Variants in CCSER1 observed in about 807,000 individuals in gnomAD.
CCSER1 encodes serine-rich coiled-coil domain-containing protein 1.
Under a neutral mutation model 82.0 loss-of-function variants are expected in CCSER1, and 41 were observed. The observed-to-expected ratio is 0.50, with a 90% CI of 0.39 to 0.65. The LOEUF (loss-of-function observed/expected upper bound fraction) is 0.65, where lower values mean the gene tolerates loss of function less well. Among genes scored for constraint, CCSER1 ranks in the 30% least tolerant of loss-of-function variants. CCSER1 has a pLI of 0.00. For synonymous variants in CCSER1, 414 were observed against 383.9 expected (o/e 1.08, Z -0.92); for missense variants, 1,119 against 1,064.2 (o/e 1.05, Z -0.72).
chr4:91,296,483 A>ATATATATATATATATATATTATTTATT (rs1175690764), intron 10 of CCSER1, among the ~76,000 whole-genome samples: 1 of 124,064 alleles, frequency 8.1e-6, no homozygotes, highest in Non-Finnish European at 1.7e-5. Flanking sequence ...ATATATATAT[A>ATATATATATATATATATATTATTTATT]TATTTTAATT....
chr4:91,082,142 T>C (rs1416695765), intron 9 of CCSER1, among the ~76,000 whole-genome samples: 1 of 152,210 alleles, frequency 6.6e-6, no homozygotes, highest in Non-Finnish European at 1.5e-5. Flanking sequence ...GTTGGAGGCA[T>C]CATGCTACCT....
At chr4:90,392,908 A>G (rs1020087145) in intron 3 of CCSER1, among the ~76,000 whole-genome samples, 1 of 152,208 alleles carries the variant, frequency 6.6e-6, no homozygotes, top group African/African-American at 2.4e-5. Flanking sequence ...TCCTCAGAGC[A>G]GTAATTATAT....
chr4:91,108,151 A>C (rs1274165595), intron 10 of CCSER1: 1 of 152,204 alleles, frequency 6.6e-6, no homozygotes, highest in Non-Finnish European at 1.5e-5. Flanking sequence ...ACAGTTCTCT[A>C]TATATTACTG....
chr4:91,120,414 T>A (rs1726985480), intron 10 of CCSER1, among the ~76,000 whole-genome samples: 1 of 151,974 alleles, frequency 6.6e-6, no homozygotes, highest in African/African-American at 2.4e-5. Flanking sequence ...ATATAAAGGA[T>A]GATTTTCCAC....
chr4:90,845,338 G>A (rs1446189693), intron 8 of CCSER1, among the ~76,000 whole-genome samples: 3 of 146,374 alleles, frequency 2.0e-5, no homozygotes, highest in Non-Finnish European at 1.5e-5. Context: ...CTCCAGCCTG[G>A]TGACAGAGTG....
At chr4:90,155,690 A>T (rs1727983629) in intron 1 of CCSER1, among the ~76,000 whole-genome samples, 1 of 152,088 alleles carries the variant, frequency 6.6e-6, no homozygotes, top group African/African-American at 2.4e-5. Context: ...GTATTCTCTG[A>T]TGGTAGTTTG....
chr4:90,642,508 A>G (rs1263177699), intron 6 of CCSER1: 5 of 152,308 alleles, frequency 3.3e-5, no homozygotes, highest in Non-Finnish European at 5.9e-5. Flanking sequence ...TTACCAGTAG[A>G]TAGACATTTA....
At chr4:90,879,585 G>A (rs368761498) in intron 8 of CCSER1, among the ~76,000 whole-genome samples, 3 of 108,050 alleles carry the variant, frequency 2.8e-5, no homozygotes, top group African/African-American at 3.6e-5. Flanking sequence ...AAGAAGAAGA[G>A]GAGGAGGAGG....
chr4:90,576,110 T>C (rs1247253435), intron 5 of CCSER1, among the ~76,000 whole-genome samples: 1 of 152,208 alleles, frequency 6.6e-6, no homozygotes, highest in Admixed American at 6.5e-5. Context: ...ACTAGATTGA[T>C]AGTTTGTTTT....
At chr4:91,268,684 G>C (rs1192181947) in intron 10 of CCSER1, among the ~76,000 whole-genome samples, 1 of 152,154 alleles carries the variant, frequency 6.6e-6, no homozygotes, top group Non-Finnish European at 1.5e-5. Context: ...CTGTTTTATA[G>C]GATTTGGGTG....
At chr4:90,274,809 T>G (rs1018807523) in intron 1 of CCSER1, among the ~76,000 whole-genome samples, 6 of 152,150 alleles carry the variant, frequency 3.9e-5, no homozygotes, top group African/African-American at 1.2e-4. Context: ...TTAGGTGAAT[T>G]CAAATTTTAA....
chr4:90,911,215 A>C, intron 8 of CCSER1: 2 of 432,106 alleles, frequency 4.6e-6, no homozygotes, highest in Middle Eastern at 4.1e-4. Context: ...TTTCTACAAC[A>C]AAAAAATTAT....
intron 8 of CCSER1, among the ~76,000 whole-genome samples, chr4:90,922,334 A>C (rs949484820): frequency 1.3e-5 from 2 of 151,960 alleles, no homozygotes; most frequent in Non-Finnish European, 1.5e-5. Flanking sequence ...CAGGAAAGGA[A>C]GGGAGGTGAG....
intron 10 of CCSER1, among the ~76,000 whole-genome samples, chr4:91,512,232 C>A (rs1173707483): frequency 6.6e-6 from 1 of 152,136 alleles, no homozygotes; most frequent in Non-Finnish European, 1.5e-5. Context: ...GAGACACAGA[C>A]CCACCCTCAA....
At chr4:91,077,415 C>T (rs1722118199) in intron 9 of CCSER1, among the ~76,000 whole-genome samples, 1 of 152,100 alleles carries the variant, frequency 6.6e-6, no homozygotes, top group South Asian at 2.1e-4. Flanking sequence ...TAAAAAATTA[C>T]TGGACATGAG....
intron 10 of CCSER1, among the ~76,000 whole-genome samples, chr4:91,433,398 C>T (rs1351456481): frequency 6.6e-6 from 1 of 152,120 alleles, no homozygotes; most frequent in East Asian, 1.9e-4. Flanking sequence ...CAGTAGTGTA[C>T]AGTAATTTCC....
intron 7 of CCSER1, among the ~76,000 whole-genome samples, chr4:90,796,828 T>G (rs760159398): frequency 7.2e-5 from 11 of 152,226 alleles, no homozygotes; most frequent in Non-Finnish European, 1.5e-4. Context: ...ACTAATTTGA[T>G]TGTACTGTGG....
At chr4:90,168,435 C>T (rs1359948359) in intron 1 of CCSER1, among the ~76,000 whole-genome samples, 1 of 152,120 alleles carries the variant, frequency 6.6e-6, no homozygotes, top group African/African-American at 2.4e-5. Context: ...TGCCTGTTCA[C>T]TCTGATGGTA....
At chr4:91,523,447 T>G (rs1392790205) in intron 10 of CCSER1, among the ~76,000 whole-genome samples, 1 of 152,182 alleles carries the variant, frequency 6.6e-6, no homozygotes, top group African/African-American at 2.4e-5. Flanking sequence ...TCAGAAGGAA[T>G]GGTACCAGCT....
Sources: gnomAD v4.1 joint callset for allele counts (sites outside exome capture counted in the v4.1 genomes callset) on GRCh38, gnomAD v4.1.1 for gene constraint, MANE v1.5 for transcripts, NCBI Gene and HGNC (gene_info 2026-07-23, HGNC 2026-07-21) for gene names.